The following RAB40C variants were observed in gnomAD, a reference collection of about 807,000 sequenced individuals.
RAB40C encodes the protein ras-related protein Rab-40C.
A neutral mutation model predicts 28.1 loss-of-function variants in RAB40C; 8 were observed. That is an observed-to-expected ratio of 0.28 (90% CI 0.17 to 0.51). The LOEUF (loss-of-function observed/expected upper bound fraction) is 0.51, where lower values mean the gene tolerates loss of function less well. Ranked by LOEUF, RAB40C falls within the 20% of genes least tolerant of loss-of-function variation. RAB40C has a pLI of 0.97. For missense variants in RAB40C, 288 were observed against 405.9 expected (o/e 0.71, Z 2.50); for synonymous variants, 201 against 171.7 (o/e 1.17, Z -1.34).
rs1463839565 is a variant in RAB40C, at chr16:627,726, G to A, written c.*104G>A. The A allele has an allele frequency of 1.2e-5, 16 of 1,358,558 alleles. No homozygotes were observed. Among genetic ancestry groups the A allele is most frequent in the Non-Finnish European group, 1.5e-5 (15 of 1,021,540 alleles). The allele number at this position is 1,358,558 out of a possible 1,614,324, so 84.2% of individuals were successfully genotyped here. On this transcript the variant is annotated 3_prime_UTR_variant, in exon 6 of 6. Transcript: ENST00000248139. ...CGCCTACGTGGAGACTGTCCACACA[G>A]CTGCCTCAGAAGCGCCGGGCTTTCC...
At chr16:602,505 T>C (rs758992311) in intron 1 of RAB40C, among the ~76,000 whole-genome samples, 1 of 152,160 alleles carries the variant, frequency 6.6e-6, no homozygotes, top group African/African-American at 2.4e-5. Flanking sequence ...CGATCTTGGC[T>C]CACTGCAACG....
intron 3 of RAB40C, chr16:625,006 G>C (rs528911304): frequency 7.8e-7 from 1 of 1,290,222 alleles, no homozygotes; most frequent in Non-Finnish European, 1.0e-6. Flanking sequence ...GCAAGTTTTA[G>C]GTTGGAAAAC....
chr16:625,504 G>A lies in RAB40C; in HGVS notation c.337G>A (p.Asp113Asn), dbSNP rs141847125. 1 of 1,613,296 alleles carries A rather than the reference G, an allele frequency of 6.2e-7. No homozygotes were observed. Among genetic ancestry groups the A allele is most frequent in the South Asian group, 1.1e-5 (1 of 91,068 alleles). The change falls in exon 4 of 6, where the codon GAT becomes AAT. Residue 113 changes from aspartate to asparagine, a missense_variant. Asp to Asn is a conservative substitution (Grantham distance 23). Coordinates refer to ENST00000248139, the MANE Select transcript of RAB40C (RefSeq NM_021168.5). ...DGIDRWIKEI[D>N]EHAPGVPRIL... is the part of the protein sequence containing the mutation. ...CATCGACCGCTGGATCAAGGAGATCGATGAGGTAGGCCTGGGTCCGGGGAG... is the reference window on the plus strand; with the variant it reads ...CATCGACCGCTGGATCAAGGAGATCAATGAGGTAGGCCTGGGTCCGGGGAG...
rs371233255 is a variant in RAB40C, at chr16:627,665, G to A, written c.*43G>A. On this transcript the variant is annotated 3_prime_UTR_variant, in exon 6 of 6. Transcript: ENST00000248139. ...GCCTGTGCAGATGCCAGGAGGGCTC[G>A]AGCTGGACACTCCTGGCTGGACGCC... is the stretch of plus-strand genomic sequence containing the variant. The A allele has an allele frequency of 3.1e-5, 48 of 1,532,018 alleles. No homozygotes were observed. Among genetic ancestry groups the A allele is most frequent in the Non-Finnish European group, 3.7e-5 (42 of 1,138,302 alleles). 94.9% of individuals were successfully genotyped at this position (1,532,018 alleles called of 1,614,324 possible).
Position 627,558 on chromosome 16 carries a change from A to T in RAB40C, c.782A>T (p.Lys261Met). 1.2e-6 allele frequency: 2 copies of T among 1,613,050 alleles called. No individual in the cohort carries two copies. Among genetic ancestry groups the T allele is most frequent in the Non-Finnish European group, 1.7e-6 (2 of 1,179,556 alleles). ...GSKGNSLKRS[K>M]SIRPPQSPPQ... ...AAGGGCAACAGCCTCAAGAGGTCCA[A>T]GTCCATCCGTCCACCCCAGAGCCCC... The change falls in exon 6 of 6, where the codon AAG (lysine) becomes ATG (methionine). Residue 261 changes from lysine (K) to methionine (M), a missense_variant. Physicochemically the swap from Lys to Met is moderately conservative, Grantham distance 95. This residue lies in a region of RAB40C where 57 missense variants were observed against 55.3 expected (regional missense o/e 1.03). Coordinates refer to ENST00000248139, the MANE Select transcript of RAB40C (RefSeq NM_021168.5).
intron 3 of RAB40C, among the ~76,000 whole-genome samples, chr16:619,799 C>T (rs1327532576): frequency 6.6e-6 from 1 of 152,244 alleles, no homozygotes; most frequent in African/African-American, 2.4e-5. Flanking sequence ...GGGATGGACA[C>T]TGGAGCTTCG....
chr16:620,405 G>T (rs907950775), intron 3 of RAB40C, among the ~76,000 whole-genome samples: 6 of 152,316 alleles, frequency 3.9e-5, no homozygotes, highest in South Asian at 4.1e-4. Flanking sequence ...AAAAAAGGAG[G>T]AGCTGTGTGG....
chr16:626,985 C>T (rs541929281), intron 5 of RAB40C, among the ~76,000 whole-genome samples: 3 of 152,232 alleles, frequency 2.0e-5, no homozygotes, highest in South Asian at 2.1e-4. Context: ...TGAGTCAGGA[C>T]GCGCGCTCCC....
chr16:590,276 C>T lies in RAB40C; in HGVS notation c.-16C>T, dbSNP rs1312800339. The T allele has an allele frequency of 2.0e-6, 3 of 1,485,942 alleles. No homozygotes were observed. The highest frequency in any genetic ancestry group is 2.3e-5 in the Admixed American group (1 of 42,874). 92.0% of individuals were successfully genotyped at this position (1,485,942 alleles called of 1,614,324 possible). Reference sequence around the variant, plus strand: ...GCTTCGGCAGGCGGCCGGCGCGGGGCGCAGGCGGCGCGGCCATGGGCTCGC... The same window carrying T: ...GCTTCGGCAGGCGGCCGGCGCGGGGTGCAGGCGGCGCGGCCATGGGCTCGC... On this transcript the variant is annotated 5_prime_UTR_variant, in exon 1 of 6. Coordinates refer to ENST00000248139, the MANE Select transcript of RAB40C (RefSeq NM_021168.5).
At position 626,079 on chromosome 16, in the gene RAB40C, C is replaced by T. The variant is rs1410673010; in HGVS notation, c.523C>T (p.Leu175Phe). The change falls in exon 5 of 6, where the codon CTC becomes TTC. Residue 175 changes from leucine (L) to phenylalanine (F), a missense_variant. Transcript: ENST00000248139. ...ESFTELSRIV[L>F]MRHGMEKIWR... ...CTTCACGGAGCTATCCCGCATCGTG[C>T]TCATGCGGCACGGCATGGAGAAGAT... 2.5e-6 allele frequency: 4 copies of T among 1,613,150 alleles called. No homozygotes were observed. Among genetic ancestry groups the T allele is most frequent in the Non-Finnish European group, 3.4e-6 (4 of 1,179,954 alleles).
At chr16:617,082 T>C (rs2036601955) in intron 1 of RAB40C, 126 bp from the exon 2 acceptor site, 2 of 964,022 alleles carry the variant, frequency 2.1e-6, no homozygotes, top group South Asian at 1.4e-5. Flanking sequence ...ACTGGCTGAG[T>C]GTGGGGGAGC....
chr16:598,974 G>T (rs2036191789), intron 1 of RAB40C, among the ~76,000 whole-genome samples: 1 of 152,150 alleles, frequency 6.6e-6, no homozygotes, highest in Non-Finnish European at 1.5e-5. Flanking sequence ...GCTGCTGCTG[G>T]GCTTTCGCCT....
At chr16:600,890 C>T (rs1180147315) in intron 1 of RAB40C, among the ~76,000 whole-genome samples, 2 of 152,250 alleles carry the variant, frequency 1.3e-5, no homozygotes, top group African/African-American at 2.4e-5. Context: ...TCTCTGTCTT[C>T]TGAAGAGCTG....
chr16:618,717 CAT>C (rs1491577297), intron 3 of RAB40C, among the ~76,000 whole-genome samples: 3 of 130,660 alleles, frequency 2.3e-5, no homozygotes, highest in African/African-American at 9.1e-5. Context: ...CACTCAGGGC[CAT>C]GTGTGTGCAG....
intron 5 of RAB40C, among the ~76,000 whole-genome samples, chr16:626,727 C>T (rs951351735): frequency 1.3e-5 from 2 of 152,206 alleles, no homozygotes; most frequent in Admixed American, 1.3e-4. Context: ...CACCTGAGGT[C>T]AGGACTTCGA....
At chr16:596,440 C>T (rs543226310) in intron 1 of RAB40C, 7 of 421,428 alleles carry the variant, frequency 1.7e-5, no homozygotes, top group African/African-American at 1.4e-4. Flanking sequence ...CTCCCCTGCG[C>T]AGCACATGGT....
chr16:611,575 G>A (rs1360629580), intron 1 of RAB40C, among the ~76,000 whole-genome samples: 1 of 152,194 alleles, frequency 6.6e-6, no homozygotes, highest in African/African-American at 2.4e-5. Flanking sequence ...GAAGAGTGTT[G>A]TTTCACTTGT....
chr16:605,279 A>G (rs1044645117), intron 1 of RAB40C, among the ~76,000 whole-genome samples: 1 of 152,206 alleles, frequency 6.6e-6, no homozygotes, highest in South Asian at 2.1e-4. Context: ...CCCATCAGCA[A>G]TGCATGAGAG....
intron 1 of RAB40C, among the ~76,000 whole-genome samples, chr16:596,700 G>C (rs1414583067): frequency 6.6e-6 from 1 of 152,208 alleles, no homozygotes; most frequent in African/African-American, 2.4e-5. Flanking sequence ...TTACGAAGGC[G>C]GTGGGAAGAG....
Sources: allele counts gnomAD v4.1 joint callset (sites outside exome capture counted in the v4.1 genomes callset), GRCh38; gene constraint gnomAD v4.1.1; regional missense constraint gnomAD v4.1.1; transcripts MANE v1.5; gene names NCBI Gene and HGNC (gene_info 2026-07-23, HGNC 2026-07-21).